The following SEMA4F variants were observed in gnomAD, a reference collection of about 807,000 sequenced individuals.
SEMA4F encodes the protein ssemaphorin 4F.
Under a neutral mutation model 78.4 loss-of-function variants are expected in SEMA4F, and 51 were observed. That is an observed-to-expected ratio of 0.65 (90% CI 0.52 to 0.82). The LOEUF (loss-of-function observed/expected upper bound fraction) is 0.82. SEMA4F is among the 40% of genes least tolerant of loss of function. The probability of loss-of-function intolerance (pLI) is 0.00; values close to 1 mark genes in which losing one functional copy is unlikely to be tolerated. For missense variants in SEMA4F, 938 were observed against 1,014.4 expected, an observed-to-expected ratio of 0.92 and a Z score of 1.02; for synonymous variants, 418 against 408.7, an observed-to-expected ratio of 1.02 and a Z score of -0.27.
intron 2 of SEMA4F, 128 bp downstream of exon 2, chr2:74,656,813 G>A (rs376477863): frequency 2.0e-6 from 2 of 1,023,138 alleles, no homozygotes. Context: ...GAGGGGGTGA[G>A]TTGGGAGACA....
rs147130617 is a variant in SEMA4F at position 74,667,006 on chromosome 2, T to G, written c.550+4181T>G. On this transcript the variant is annotated intron_variant, in intron 5 of 13. Transcript: ENST00000357877. ...ATTATTTTGGAGTATTTTGAGTGTT[T>G]TCTTCTACTGTGTCTATGTGTCTGC... 2.4e-3 allele frequency among the ~76,000 whole-genome samples: 359 copies of G among 152,336 alleles called. 1 individual carries two copies. Among genetic ancestry groups the G allele is most frequent in the Middle Eastern group, 6.8e-3 (2 of 294 alleles).
Position 74,679,599 on chromosome 2 carries a change from A to G in SEMA4F, c.1703A>G (p.Glu568Gly). The change falls in exon 14 of 14, where the codon GAA becomes GGA. Residue 568 changes from glutamate to glycine, a missense_variant and splice_region_variant. By Grantham distance (98) the Glu-to-Gly change is moderately conservative (BLOSUM62 -2). Transcript: ENST00000357877. ...VSSLCPKEPG[E>G]RPVVFEVPVA... The stretch of plus-strand genomic sequence containing the variant: ...TTTGTGCCTTTGCTGTTTCTCACAG[A>G]ACGTCCAGTAGTGTTTGAAGTTCCC... 1 of 1,589,432 alleles carries G rather than the reference A, an allele frequency of 6.3e-7. No individual in the cohort carries two copies. Among genetic ancestry groups the G allele is most frequent in the South Asian group, 1.1e-5 (1 of 89,668 alleles).
chr2:74,657,260 T>C (rs1331699052), intron 2 of SEMA4F, among the ~76,000 whole-genome samples: 2 of 152,254 alleles, frequency 1.3e-5, no homozygotes, highest in Admixed American at 6.5e-5. Flanking sequence ...GGATGCTCAG[T>C]GTATACTGTG....
At chr2:74,677,763 A>C (rs894481024) in intron 12 of SEMA4F, among the ~76,000 whole-genome samples, 1 of 152,268 alleles carries the variant, frequency 6.6e-6, no homozygotes, top group African/African-American at 2.4e-5. Flanking sequence ...GAATATTACA[A>C]AACCCCATGG....
the SEMA4F span, among the ~76,000 whole-genome samples, chr2:74,688,936 G>A: frequency 6.6e-6 from 1 of 152,160 alleles, no homozygotes; most frequent in Non-Finnish European, 1.5e-5. Flanking sequence ...TTTAGGTCAG[G>A]TTCTGGGCTA....
downstream of SEMA4F, among the ~76,000 whole-genome samples, chr2:74,686,923 T>C (rs1000290194): frequency 1.7e-4 from 26 of 151,968 alleles, no homozygotes; most frequent in Non-Finnish European, 7.4e-5. Flanking sequence ...AAATACCTAA[T>C]GTAAAAATGA....
chr2:74,673,561 C>T lies in SEMA4F; in HGVS notation c.655C>T (p.Pro219Ser), dbSNP rs1685100555. Residue 219 changes from proline (P) to serine (S), a missense_variant, in exon 6 of 14, where the codon CCT becomes TCT. By Grantham distance (74) the Pro-to-Ser change is moderately conservative. Transcript: ENST00000357877. The part of the protein sequence containing the change: ...AEDWIRTDTL[P>S]SWLNAPAFVA... ...GGACTGGATTCGGACAGATACCTTG[C>T]CTTCCTGGCTGAACGGTGGGGAGAG... The T allele has an allele frequency of 3.1e-6, 5 of 1,614,116 alleles. No individual in the cohort carries two copies. The highest frequency in any genetic ancestry group is 2.2e-5 in the East Asian group (1 of 44,870).
At chr2:74,673,334 G>A (rs2104987597) in intron 5 of SEMA4F, 123 bp from the exon 6 acceptor site, 1 of 1,163,468 alleles carries the variant, frequency 8.6e-7, no homozygotes, top group South Asian at 1.4e-5. Context: ...AGCAGAGTCT[G>A]GCACTCATGG....
intron 12 of SEMA4F, among the ~76,000 whole-genome samples, chr2:74,676,718 G>A (rs1351669539): frequency 6.6e-6 from 1 of 152,060 alleles, no homozygotes; most frequent in African/African-American, 2.4e-5. Flanking sequence ...AGCCATCATC[G>A]CTTCTTAACT....
chr2:74,679,312 T>C lies in SEMA4F; in HGVS notation c.1680T>C (p.Ser560=). 2 of 1,613,416 alleles carry C rather than the reference T, an allele frequency of 1.2e-6. No homozygotes were observed. Among genetic ancestry groups the C allele is most frequent in the Non-Finnish European group, 1.7e-6 (2 of 1,179,354 alleles). ...VQDIESADVS[S]LCPKEPGERP... Reference sequence around the variant, plus strand: ...ACATAGAGTCAGCAGATGTCTCCTCTTTGTGTCCTAAAGAGCCTGGAGGTC... The same window carrying C: ...ACATAGAGTCAGCAGATGTCTCCTCCTTGTGTCCTAAAGAGCCTGGAGGTC... Residue 560 remains serine (S), a synonymous_variant, in exon 13 of 14, where the codon TCT becomes TCC. Coordinates refer to ENST00000357877, the MANE Select transcript of SEMA4F (RefSeq NM_004263.5).
At chr2:74,700,110 C>T in the SEMA4F span, among the ~76,000 whole-genome samples, 1 of 151,862 alleles carries the variant, frequency 6.6e-6, no homozygotes, top group African/African-American at 2.4e-5. Flanking sequence ...TGAGGAAGAG[C>T]GTTGGGGGCA....
At chr2:74,683,852 CTA>C (rs1226231332), downstream of SEMA4F, 1 of 152,120 alleles carries the variant, frequency 6.6e-6, no homozygotes, top group African/African-American at 2.4e-5. Context: ...GTTTTTGTAC[CTA>C]TGAGTTTGTG....
At chr2:74,665,872 A>G (rs1684665851) in intron 5 of SEMA4F, among the ~76,000 whole-genome samples, 1 of 149,958 alleles carries the variant, frequency 6.7e-6, no homozygotes, top group Non-Finnish European at 1.5e-5. Context: ...ATAATCATTT[A>G]TCGTACTTTT....
chr2:74,693,871 T>C, the SEMA4F span, among the ~76,000 whole-genome samples: 1 of 152,210 alleles, frequency 6.6e-6, no homozygotes, highest in African/African-American at 2.4e-5. Flanking sequence ...CCAGTAGTGA[T>C]AGATATTTGA....
chr2:74,665,228 C>CTT lies in SEMA4F; in HGVS notation c.550+2421_550+2422dup, dbSNP rs11348861. ...CTATACAAATTAAATCACTCTTTTT[C>CTT]TTTTTTTTTTTTTTTTTTTGAGACA... On this transcript the variant is annotated intron_variant, in intron 5 of 13. Transcript: ENST00000357877. Among the ~76,000 whole-genome samples, 63 of 128,670 alleles carry CTT rather than the reference C, an allele frequency of 4.9e-4. 1 individual carries two copies. The highest frequency in any genetic ancestry group is 6.0e-4 in the Non-Finnish European group (36 of 60,218). 84.4% of individuals were successfully genotyped at this position (128,670 alleles called of 152,430 possible). A position where few individuals can be genotyped will look rare whatever the true frequency, so the allele number is the denominator to read the frequency against.
chr2:74,673,836 C>T lies in SEMA4F; in HGVS notation c.822+8C>T. The T allele has an allele frequency of 6.2e-7, 1 of 1,610,060 alleles. No individual in the cohort carries two copies. On this transcript the variant is annotated splice_region_variant and intron_variant, in intron 7 of 13. Transcript: ENST00000357877. ...GTGGCCCGTGTGTGTGCGGTGAGAC[C>T]CCATCCCAGCTGTCTGTCTGTCATC...
chr2:74,684,053 A>C (rs932231180), downstream of SEMA4F, among the ~76,000 whole-genome samples: 5 of 151,572 alleles, frequency 3.3e-5, no homozygotes, highest in African/African-American at 1.2e-4. Flanking sequence ...CATCCCCCTA[A>C]TGCAACTTCT....
At chr2:74,706,712 G>T in the SEMA4F span, among the ~76,000 whole-genome samples, 2 of 152,248 alleles carry the variant, frequency 1.3e-5, no homozygotes, top group East Asian at 3.9e-4. Context: ...TAATCTCTTT[G>T]CATTTATTTA....
the SEMA4F span, among the ~76,000 whole-genome samples, chr2:74,696,289 A>G: frequency 1.4e-4 from 21 of 145,928 alleles, no homozygotes; most frequent in Non-Finnish European, 3.1e-4. Flanking sequence ...TCCACCGCCC[A>G]GGTTCAAGCG....
Sources: gnomAD v4.1 joint callset for allele counts (sites outside exome capture counted in the v4.1 genomes callset) on GRCh38, gnomAD v4.1.1 for gene constraint, MANE v1.5 for transcripts, NCBI Gene and HGNC (gene_info 2026-07-23, HGNC 2026-07-21) for gene names.